Variants in CNTN4 observed in about 807,000 individuals in gnomAD.
CNTN4 encodes contactin-4.
CNTN4 carries 77 observed loss-of-function variants against 122.5 expected under a neutral mutation model. The ratio of observed to expected loss-of-function variants is 0.63; its 90% CI spans 0.52 to 0.76. The LOEUF (loss-of-function observed/expected upper bound fraction) is 0.76, where lower values mean the gene tolerates loss of function less well. Among genes scored for constraint, CNTN4 ranks in the 30% least tolerant of loss-of-function variants. The probability of loss-of-function intolerance (pLI) is 0.00; values close to 1 mark genes in which losing one functional copy is unlikely to be tolerated. For missense variants in CNTN4, 1,256 were observed against 1,259.1 expected (o/e 1.00, Z 0.04); for synonymous variants, 512 against 447.0 (o/e 1.15, Z -1.83).
chr3:3,017,554 C>G (rs549642099), intron 14 of CNTN4, among the ~76,000 whole-genome samples: 14 of 152,340 alleles, frequency 9.2e-5, no homozygotes, highest in Admixed American at 8.5e-4. Flanking sequence ...AAAAAAAATT[C>G]TACCCAGATT....
chr3:2,878,436 C>T (rs553189659), intron 8 of CNTN4, among the ~76,000 whole-genome samples: 7 of 152,190 alleles, frequency 4.6e-5, no homozygotes, highest in African/African-American at 1.7e-4. Context: ...AAATCCTTAC[C>T]CATCACATTT....
chr3:2,724,995 T>A (rs2088121059), intron 4 of CNTN4, among the ~76,000 whole-genome samples: 1 of 152,198 alleles, frequency 6.6e-6, no homozygotes, highest in Non-Finnish European at 1.5e-5. Flanking sequence ...GTACTCTTAA[T>A]ACATGACAAC....
chr3:2,100,003 G>A (rs1434328875), intron 1 of CNTN4, among the ~76,000 whole-genome samples: 1 of 152,216 alleles, frequency 6.6e-6, no homozygotes, highest in Non-Finnish European at 1.5e-5. Flanking sequence ...AAGCTCCTGC[G>A]AGGAGGCGGC....
At chr3:2,312,292 ATGT>A (rs936876220) in intron 2 of CNTN4, among the ~76,000 whole-genome samples, 5 of 152,098 alleles carry the variant, frequency 3.3e-5, no homozygotes, top group Admixed American at 3.3e-4. Context: ...CCTTTTATTA[ATGT>A]TGTGGAGATT....
intron 6 of CNTN4, among the ~76,000 whole-genome samples, chr3:2,792,828 A>G (rs2092054183): frequency 6.6e-6 from 1 of 152,200 alleles, no homozygotes; most frequent in African/African-American, 2.4e-5. Context: ...AAATCCCTCA[A>G]ATTTTATATA....
chr3:2,921,305 G>A (rs2094427872), intron 12 of CNTN4, among the ~76,000 whole-genome samples: 1 of 152,200 alleles, frequency 6.6e-6, no homozygotes, highest in South Asian at 2.1e-4. Context: ...CCAAAGTGCT[G>A]GGATTACAGG....
intron 2 of CNTN4, among the ~76,000 whole-genome samples, chr3:2,210,139 A>G (rs538088812): frequency 6.6e-6 from 1 of 152,242 alleles, no homozygotes; most frequent in African/African-American, 2.4e-5. Flanking sequence ...GTCTTGTTTA[A>G]TAAGTTATGG....
At chr3:3,014,079 CACACACA>C (rs1559789865) in intron 14 of CNTN4, among the ~76,000 whole-genome samples, 6 of 152,068 alleles carry the variant, frequency 3.9e-5, no homozygotes, top group East Asian at 1.9e-4. Flanking sequence ...CACACACACA[CACACACA>C]CCCCTAGGGG....
intron 4 of CNTN4, among the ~76,000 whole-genome samples, chr3:2,647,495 T>A (rs556412265): frequency 1.3e-5 from 2 of 152,326 alleles, no homozygotes; most frequent in East Asian, 3.9e-4. Context: ...AAAGCTATAC[T>A]TTTATTTTCT....
chr3:2,288,055 G>C (rs2042006316), intron 2 of CNTN4, among the ~76,000 whole-genome samples: 1 of 152,190 alleles, frequency 6.6e-6, no homozygotes, highest in African/African-American at 2.4e-5. Flanking sequence ...TCACAATGCA[G>C]TGGGAAAATT....
chr3:2,727,248 A>C (rs1254166410), intron 4 of CNTN4, among the ~76,000 whole-genome samples: 2 of 152,204 alleles, frequency 1.3e-5, no homozygotes, highest in Admixed American at 1.3e-4. Flanking sequence ...GTTACATAAT[A>C]GCATCCCCAG....
chr3:2,421,726 AC>A (rs1486423405), intron 3 of CNTN4, among the ~76,000 whole-genome samples: 1 of 152,188 alleles, frequency 6.6e-6, no homozygotes, highest in Non-Finnish European at 1.5e-5. Flanking sequence ...AAACACCAAG[AC>A]CATTTGTAAT....
At chr3:2,240,473 A>G (rs2039887609) in intron 2 of CNTN4, among the ~76,000 whole-genome samples, 1 of 152,162 alleles carries the variant, frequency 6.6e-6, no homozygotes, top group South Asian at 2.1e-4. Context: ...TACTAGAAGG[A>G]ATTTTTATAA....
chr3:2,099,829 CT>C (rs1446409946), intron 1 of CNTN4: 2 of 152,498 alleles, frequency 1.3e-5, no homozygotes, highest in African/African-American at 4.8e-5. Context: ...ACTCACTCTC[CT>C]TCTGGAACGC....
At chr3:2,872,407 CT>C in intron 8 of CNTN4, among the ~76,000 whole-genome samples, 1 of 151,912 alleles carries the variant, frequency 6.6e-6, no homozygotes, top group East Asian at 1.9e-4. Flanking sequence ...TAGCCTTTGC[CT>C]TTTTTTCTGT....
chr3:2,668,067 C>T (rs576235638), intron 4 of CNTN4, among the ~76,000 whole-genome samples: 11 of 152,184 alleles, frequency 7.2e-5, no homozygotes, highest in Middle Eastern at 6.8e-3. Flanking sequence ...ATTGTCTTGG[C>T]GATGCGGGCT....
chr3:3,008,913 A>C, intron 14 of CNTN4: 1 of 981,590 alleles, frequency 1.0e-6, no homozygotes. Flanking sequence ...ACCAAGATCT[A>C]ATAAGCTGTG....
intron 6 of CNTN4, among the ~76,000 whole-genome samples, chr3:2,814,196 G>C (rs778954145): frequency 6.6e-6 from 1 of 151,702 alleles, no homozygotes; most frequent in Non-Finnish European, 1.5e-5. Context: ...CCAAAAAGTA[G>C]AGGTATTTAT....
chr3:2,653,877 GT>G (rs1212088572), intron 4 of CNTN4, among the ~76,000 whole-genome samples: 1 of 152,144 alleles, frequency 6.6e-6, no homozygotes, highest in Non-Finnish European at 1.5e-5. Flanking sequence ...CCCAGGATGT[GT>G]TTTTGATTTA....
Sources: gnomAD v4.1 joint callset for allele counts (sites outside exome capture counted in the v4.1 genomes callset) on GRCh38, gnomAD v4.1.1 for gene constraint, MANE v1.5 for transcripts, NCBI Gene and HGNC (gene_info 2026-07-23, HGNC 2026-07-21) for gene names.